CACNA1I: variants seen among roughly 807,000 people sequenced by gnomAD.
The protein encoded by CACNA1I is calcium voltage-gated channel subunit alpha1 I, also known as voltage-dependent T-type calcium channel subunit alpha-1I.
In CACNA1I, 74 loss-of-function variants were observed where a neutral mutation model predicts 201.6. That is an observed-to-expected ratio of 0.37 (90% CI 0.30 to 0.45). The LOEUF (loss-of-function observed/expected upper bound fraction) is 0.45. CACNA1I is among the 20% of genes least tolerant of loss of function. The pLI, the probability that CACNA1I is intolerant of heterozygous loss-of-function variation, is 1.00. For synonymous variants in CACNA1I, 1,431 were observed against 1,345.2 expected, an observed-to-expected ratio of 1.06 and a Z score of -1.40; for missense variants, 2,346 against 3,138.1, an observed-to-expected ratio of 0.75 and a Z score of 6.03.
chr22:39,610,568 C>T (rs988241690), intron 3 of CACNA1I, among the ~76,000 whole-genome samples: 7 of 152,120 alleles, frequency 4.6e-5, no homozygotes, highest in Middle Eastern at 3.2e-3. Context: ...GTGCCTGACA[C>T]GGGTCAATCA....
intron 1 of CACNA1I, 82 bp from the exon 2 acceptor site, chr22:39,598,069 G>A: frequency 1.3e-6 from 1 of 750,160 alleles, no homozygotes; most frequent in South Asian, 1.6e-5. Flanking sequence ...TGTGTGGTGG[G>A]TTGCGGGTAT....
intron 1 of CACNA1I, among the ~76,000 whole-genome samples, chr22:39,586,575 G>C (rs186665746): frequency 6.6e-6 from 1 of 152,278 alleles, no homozygotes; most frequent in Admixed American, 6.5e-5. Context: ...AAGAACCCCT[G>C]TTCTAGAAGA....
intron 23 of CACNA1I, among the ~76,000 whole-genome samples, chr22:39,667,724 T>G (rs2146459555): frequency 6.6e-6 from 1 of 152,100 alleles, no homozygotes; most frequent in African/African-American, 2.4e-5. Context: ...GGAGAGGAGT[T>G]ATTACCATTT....
rs2146474171 is a variant in CACNA1I, at chr22:39,677,414, A to G, written c.4928A>G (p.Lys1643Arg). ...YAALGVELFG[K>R]LVCNDENPCE... ...GCTCTCGGGGTGGAGCTCTTTGGGA[A>G]GCTGGGTGAGTGACTCCCAGAGCAG... is the stretch of plus-strand genomic sequence containing the variant. The change falls in exon 30 of 37, where the codon AAG (lysine) becomes AGG (arginine). Residue 1643 changes from lysine (K) to arginine (R), a missense_variant. Lys to Arg is a conservative substitution (Grantham distance 26, BLOSUM62 2). This residue lies in a region of CACNA1I where 50 missense variants were observed against 43.6 expected (regional missense o/e 1.15). Coordinates refer to ENST00000402142, the MANE Select transcript of CACNA1I (RefSeq NM_021096.4). This position sits in a 1 kb window ranked among gnomAD's most constrained non-coding sequence, Gnocchi z 4.8. The G allele has an allele frequency of 6.4e-7, 1 of 1,573,816 alleles. No individual in the cohort carries two copies. Among genetic ancestry groups the G allele is most frequent in the East Asian group, 2.3e-5 (1 of 43,596 alleles).
chr22:39,643,788 A>G (rs1428833628), intron 7 of CACNA1I, among the ~76,000 whole-genome samples: 1 of 152,200 alleles, frequency 6.6e-6, no homozygotes, highest in Admixed American at 6.5e-5. Context: ...AGGTAAAAGG[A>G]GAGGGGCCAG....
chr22:39,616,215 C>T (rs777935886), intron 3 of CACNA1I, among the ~76,000 whole-genome samples: 1 of 152,164 alleles, frequency 6.6e-6, no homozygotes, highest in Non-Finnish European at 1.5e-5. Flanking sequence ...TGCCAGGCAG[C>T]GGCTGTTTCT....
chr22:39,683,910 C>G (rs913346246), intron 35 of CACNA1I, among the ~76,000 whole-genome samples: 1 of 152,208 alleles, frequency 6.6e-6, no homozygotes, highest in African/African-American at 2.4e-5. Flanking sequence ...CTGGAGGTGA[C>G]TGATCCTAGT....
At chr22:39,643,934 G>A (rs1934410684) in intron 7 of CACNA1I, among the ~76,000 whole-genome samples, 1 of 152,230 alleles carries the variant, frequency 6.6e-6, no homozygotes, top group South Asian at 2.1e-4. Flanking sequence ...TCCTCGAGGA[G>A]CTCACAGGCT....
Position 39,684,818 on chromosome 22 carries a change from G to A in CACNA1I, c.6027+320G>A, listed in dbSNP as rs1316490633. ...GGAGGAGTACTGGAGGTTTTGCAGGGTGGCGGGGTGCTGGCAGTGGGGAGG... is the reference window on the plus strand; with the variant it reads ...GGAGGAGTACTGGAGGTTTTGCAGGATGGCGGGGTGCTGGCAGTGGGGAGG... On this transcript the variant is annotated intron_variant, in intron 36 of 36. Coordinates refer to ENST00000402142, the MANE Select transcript of CACNA1I (RefSeq NM_021096.4). This position sits in a 1 kb window ranked among gnomAD's most constrained non-coding sequence, Gnocchi z 4.6. 7.1e-6 allele frequency: 4 copies of A among 560,352 alleles called. No individual in the cohort carries two copies. In the East Asian group the frequency reaches 1.2e-4, roughly 16 times the overall value. 34.7% of individuals were successfully genotyped at this position (560,352 alleles called of 1,614,324 possible).
At chr22:39,662,730 A>G in intron 17 of CACNA1I, 46 bp from the exon 18 acceptor site, 2 of 1,362,308 alleles carry the variant, frequency 1.5e-6, no homozygotes, top group East Asian at 5.0e-5. Flanking sequence ...GAGACCGGCA[A>G]CCCTGCGCAT....
At chr22:39,682,757 C>A in intron 35 of CACNA1I, 96 bp downstream of exon 35, 1 of 1,055,072 alleles carries the variant, frequency 9.5e-7, no homozygotes, top group Non-Finnish European at 1.4e-6. Flanking sequence ...TATTTTTACC[C>A]AGATTATTAT....
intron 18 of CACNA1I, among the ~76,000 whole-genome samples, chr22:39,663,268 T>C (rs1935083801): frequency 6.6e-6 from 1 of 152,210 alleles, no homozygotes; most frequent in Admixed American, 6.5e-5. Flanking sequence ...CTGTATGGCT[T>C]GCATCTGAGG....
chr22:39,580,214 C>T (rs113018750), intron 1 of CACNA1I, among the ~76,000 whole-genome samples: 31 of 152,298 alleles, frequency 2.0e-4, no homozygotes, highest in African/African-American at 1.2e-4. Flanking sequence ...GCTGTCCAGA[C>T]GGGAGGCCAG....
intron 3 of CACNA1I, among the ~76,000 whole-genome samples, chr22:39,603,086 G>A (rs1256211909): frequency 6.6e-6 from 1 of 151,200 alleles, no homozygotes; most frequent in East Asian, 1.9e-4. Context: ...AGCCCAGGAG[G>A]TTGAGGCTGC....
chr22:39,641,238 G>C lies in CACNA1I; in HGVS notation c.1056+56G>C, dbSNP rs878964728. 8.9e-6 allele frequency: 13 copies of C among 1,457,054 alleles called. No homozygotes were observed. The South Asian group carries it at 1.6e-4, about 18-fold the overall frequency. 90.3% of individuals were successfully genotyped at this position (1,457,054 alleles called of 1,614,324 possible). On this transcript the variant is annotated intron_variant, in intron 6 of 36. Transcript: ENST00000402142. ...GTCCTAGAGTGGGCAGCTCTGCCTG[G>C]TGGGCAGGGCTCTGTGCTAGGCATT... is the stretch of plus-strand genomic sequence containing the variant.
chr22:39,641,067 GCCT>G lies in CACNA1I; in HGVS notation c.943_945del (p.Leu315del). Reference sequence around the variant, plus strand: ...GGGCGCCAGGACCTCAATGCCAGCGGCCTCTGTGTCAACTGGAACCGTTACTAC... The same window carrying G: ...GGGCGCCAGGACCTCAATGCCAGCGGCTGTGTCAACTGGAACCGTTACTAC... On this transcript the variant is annotated inframe_deletion, in exon 6 of 37. Transcript: ENST00000402142. 1 of 1,614,064 alleles carries G rather than the reference GCCT, an allele frequency of 6.2e-7. No homozygotes were observed. Among genetic ancestry groups the G allele is most frequent in the Non-Finnish European group, 8.5e-7 (1 of 1,179,902 alleles).
At chr22:39,633,531 T>C (rs755409067) in intron 4 of CACNA1I, among the ~76,000 whole-genome samples, 2 of 152,094 alleles carry the variant, frequency 1.3e-5, no homozygotes, top group Non-Finnish European at 2.9e-5. Flanking sequence ...CAGAAAGAGC[T>C]TTCACAGGGC....
chr22:39,619,603 G>T (rs1023230686), intron 4 of CACNA1I, among the ~76,000 whole-genome samples, 196 bp downstream of exon 4: 7 of 152,056 alleles, frequency 4.6e-5, no homozygotes, highest in Non-Finnish European at 1.0e-4. Context: ...GAGCTCATGG[G>T]CCTGAAGACA....
rs1734884549 is a variant in CACNA1I, at chr22:39,665,463, G to T, written c.3852-35G>T. ...AGGGGCTGCCTCCTGGCCTGGCCAAGGGATTATGTGTGCCTGGCCTCTCCC... is the reference window on the plus strand; with the variant it reads ...AGGGGCTGCCTCCTGGCCTGGCCAATGGATTATGTGTGCCTGGCCTCTCCC... On this transcript the variant is annotated intron_variant, in intron 21 of 36. Transcript: ENST00000402142. The surrounding 1 kb of genome is among the most constrained non-coding windows in gnomAD (Gnocchi z 5.5). 6.2e-7 allele frequency: 1 copy of T among 1,611,678 alleles called. No homozygotes were observed.
Sources: allele counts gnomAD v4.1 joint callset (sites outside exome capture counted in the v4.1 genomes callset), GRCh38; gene constraint gnomAD v4.1.1; regional missense constraint gnomAD v4.1.1; non-coding constraint Gnocchi (gnomAD v3.1); transcripts MANE v1.5; gene names NCBI Gene and HGNC (gene_info 2026-07-23, HGNC 2026-07-21).